Variants in GSK3B observed in about 807,000 individuals in gnomAD.
The protein encoded by GSK3B is glycogen synthase kinase 3 beta, also known as glycogen synthase kinase-3 beta.
GSK3B carries 15 observed loss-of-function variants against 56.4 expected under a neutral mutation model. The ratio of observed to expected loss-of-function variants is 0.27; its 90% CI spans 0.18 to 0.41. The LOEUF is 0.41. Ranked by LOEUF, GSK3B falls within the 10% of genes least tolerant of loss-of-function variation. The probability of loss-of-function intolerance (pLI) is 1.00; values close to 1 mark genes in which losing one functional copy is unlikely to be tolerated. For missense variants in GSK3B, 300 were observed against 513.4 expected (o/e 0.58, Z 4.02); for synonymous variants, 181 against 188.9 (o/e 0.96, Z 0.34).
At chr3:119,945,349 C>T (rs2057089745) in intron 3 of GSK3B, among the ~76,000 whole-genome samples, 1 of 152,088 alleles carries the variant, frequency 6.6e-6, no homozygotes. Flanking sequence ...AAAGTTCTGA[C>T]ATAAAGAAAA....
At chr3:119,918,212 T>C (rs745772777) in intron 4 of GSK3B, among the ~76,000 whole-genome samples, 3 of 152,104 alleles carry the variant, frequency 2.0e-5, no homozygotes, top group Non-Finnish European at 2.9e-5. Context: ...GGCTCACACC[T>C]ATAACCCTAG....
intron 1 of GSK3B, among the ~76,000 whole-genome samples, chr3:120,069,462 A>G (rs925761289): frequency 1.3e-5 from 2 of 152,224 alleles, no homozygotes; most frequent in Non-Finnish European, 2.9e-5. Context: ...AAATTTTTGA[A>G]GAGTATCTTG....
At chr3:120,002,286 T>A in intron 1 of GSK3B, 47 bp from the exon 2 acceptor site, 1 of 1,163,364 alleles carries the variant, frequency 8.6e-7, no homozygotes, top group Non-Finnish European at 1.2e-6. Context: ...TGTAAGGAAT[T>A]AAATAGAGAA....
chr3:120,052,453 A>C (rs1366663874), intron 1 of GSK3B, among the ~76,000 whole-genome samples: 1 of 152,218 alleles, frequency 6.6e-6, no homozygotes, highest in Non-Finnish European at 1.5e-5. Context: ...TCACCAGGTT[A>C]TGTTAATTTC....
chr3:119,943,688 C>A (rs75651033), intron 3 of GSK3B, among the ~76,000 whole-genome samples: 1 of 151,446 alleles, frequency 6.6e-6, no homozygotes, highest in African/African-American at 2.4e-5. Flanking sequence ...GGGTAAAATC[C>A]CATTGAAAGA....
intron 3 of GSK3B, among the ~76,000 whole-genome samples, chr3:119,940,889 G>A (rs2057042319): frequency 6.6e-6 from 1 of 152,088 alleles, no homozygotes; most frequent in Non-Finnish European, 1.5e-5. Flanking sequence ...TCATAGAACC[G>A]TTGTGAAGAT....
intron 10 of GSK3B, among the ~76,000 whole-genome samples, chr3:119,834,730 A>G (rs2055663463): frequency 6.6e-6 from 1 of 152,238 alleles, no homozygotes; most frequent in Non-Finnish European, 1.5e-5. Flanking sequence ...GGAACTGAGG[A>G]ACACTTCAGG....
chr3:119,965,424 C>A (rs1428736564), intron 2 of GSK3B, among the ~76,000 whole-genome samples: 1 of 151,206 alleles, frequency 6.6e-6, no homozygotes, highest in African/African-American at 2.4e-5. Flanking sequence ...GTTGCCCAGG[C>A]TAGTCTTGAA....
chr3:120,092,185 TAGAG>T (rs895101338), intron 1 of GSK3B, among the ~76,000 whole-genome samples: 2 of 152,162 alleles, frequency 1.3e-5, no homozygotes, highest in African/African-American at 4.8e-5. Flanking sequence ...TCTCCATAAA[TAGAG>T]ATACACTGGA....
At chr3:120,030,564 G>A (rs9851174) in intron 1 of GSK3B, among the ~76,000 whole-genome samples, 42,945 of 152,000 alleles carry the variant, frequency 0.28, 7,994 homozygotes, top group African/African-American at 0.54. Flanking sequence ...GCTTCTTTCA[G>A]TTTATTGAAT....
intron 2 of GSK3B, among the ~76,000 whole-genome samples, chr3:119,956,131 G>A (rs115950158): frequency 6.6e-6 from 1 of 152,178 alleles, no homozygotes; most frequent in African/African-American, 2.4e-5. Context: ...GTAAATAGAA[G>A]GAGGGAGGTG....
At chr3:119,948,033 T>A (rs2107492649) in intron 2 of GSK3B, among the ~76,000 whole-genome samples, 1 of 152,318 alleles carries the variant, frequency 6.6e-6, no homozygotes, top group East Asian at 1.9e-4. Flanking sequence ...ACCACAGACT[T>A]CGCAGCAGTA....
intron 1 of GSK3B, among the ~76,000 whole-genome samples, chr3:120,079,918 G>C (rs76026646): frequency 0.016 from 2,434 of 152,238 alleles, 65 homozygotes; most frequent in African/African-American, 0.055. Flanking sequence ...TTTAATCACA[G>C]AAGGAAATAC....
chr3:120,025,359 G>A (rs896581003), intron 1 of GSK3B, among the ~76,000 whole-genome samples: 2 of 151,810 alleles, frequency 1.3e-5, no homozygotes, highest in African/African-American at 4.8e-5. Flanking sequence ...GTTCTTAGCA[G>A]AACAAAACAT....
At chr3:120,026,247 G>C (rs1344846047) in intron 1 of GSK3B, among the ~76,000 whole-genome samples, 1 of 152,034 alleles carries the variant, frequency 6.6e-6, no homozygotes, top group Non-Finnish European at 1.5e-5. Flanking sequence ...CAAATATCAA[G>C]CAAGGGATGC....
At chr3:120,029,634 A>T (rs1304457867) in intron 1 of GSK3B, 1 of 553,378 alleles carries the variant, frequency 1.8e-6, no homozygotes, top group Admixed American at 2.1e-5. Flanking sequence ...TTCCCTTCAG[A>T]TGTTCACATT....
intron 7 of GSK3B, among the ~76,000 whole-genome samples, chr3:119,881,329 A>G (rs1314779617): frequency 6.6e-6 from 1 of 152,222 alleles, no homozygotes; most frequent in East Asian, 1.9e-4. Context: ...AGTACAGATT[A>G]TCCAGTTTAA....
At chr3:120,075,707 A>G (rs1239315997) in intron 1 of GSK3B, among the ~76,000 whole-genome samples, 1 of 152,190 alleles carries the variant, frequency 6.6e-6, no homozygotes, top group Non-Finnish European at 1.5e-5. Context: ...TGAAAACTAA[A>G]ACTACTGATG....
intron 1 of GSK3B, among the ~76,000 whole-genome samples, chr3:120,040,253 G>C (rs562011048): frequency 2.6e-5 from 4 of 152,344 alleles, no homozygotes; most frequent in African/African-American, 9.6e-5. Context: ...GCTGTGCAGA[G>C]TGAGTGGGTC....
Sources: allele counts gnomAD v4.1 joint callset (sites outside exome capture counted in the v4.1 genomes callset), GRCh38; gene constraint gnomAD v4.1.1; transcripts MANE v1.5; gene names NCBI Gene and HGNC (gene_info 2026-07-23, HGNC 2026-07-21).